Variants in ATM observed in about 807,000 individuals in gnomAD.
The protein encoded by ATM is ATM serine/threonine kinase, also known as serine-protein kinase ATM.
A neutral mutation model predicts 387.0 loss-of-function variants in ATM; 308 were observed. The ratio of observed to expected loss-of-function variants is 0.80; its 90% CI spans 0.73 to 0.87. ATM has a LOEUF of 0.87. Ranked by LOEUF, ATM falls within the 40% of genes least tolerant of loss-of-function variation. The probability of loss-of-function intolerance (pLI) is 0.00; values close to 1 mark genes in which losing one functional copy is unlikely to be tolerated. For synonymous variants in ATM, 1,156 were observed against 1,187.3 expected (o/e 0.97, Z 0.54); for missense variants, 3,312 against 3,560.9 (o/e 0.93, Z 1.78).
chr11:108,231,013 T>C (rs2078984703), intron 4 of ATM: 1 of 152,204 alleles, frequency 6.6e-6, no homozygotes, highest in Non-Finnish European at 1.5e-5. Context: ...GGACTCAATC[T>C]TTTAGGTATA....
chr11:108,283,177 A>T (rs974962798), intron 25 of ATM, among the ~76,000 whole-genome samples: 3 of 152,178 alleles, frequency 2.0e-5, no homozygotes, highest in Non-Finnish European at 4.4e-5. Flanking sequence ...ACACAAGGAG[A>T]TCTTTCAGGT....
rs1044092081 is a variant in ATM at position 108,245,009 on chromosome 11, C to A, written c.884C>A (p.Ala295Asp). The A allele has an allele frequency of 2.5e-6, 4 of 1,608,352 alleles. No homozygotes were observed. Among genetic ancestry groups the A allele is most frequent in the African/African-American group, 1.3e-5 (1 of 74,822 alleles). Reference sequence around the variant, plus strand: ...ATTTATATCCATCATCCGAAAGGAGCCAAAACCCAAGAAAAAGGTATAAAG... The same window carrying A: ...ATTTATATCCATCATCCGAAAGGAGACAAAACCCAAGAAAAAGGTATAAAG... Reference protein sequence around the residue: ...LQIYIHHPKGAKTQEKGAYES... With the variant: ...LQIYIHHPKGDKTQEKGAYES... Residue 295 changes from alanine (A) to aspartate (D), a missense_variant, in exon 7 of 63, where the codon GCC becomes GAC. Transcript: ENST00000675843.
chr11:108,338,503 A>T (rs373203413), intron 56 of ATM, among the ~76,000 whole-genome samples: 1 of 152,152 alleles, frequency 6.6e-6, no homozygotes, highest in East Asian at 1.9e-4. Flanking sequence ...AAAAATTAAA[A>T]ATTTAGCCAG....
intron 9 of ATM, 44 bp from the exon 10 acceptor site, chr11:108,250,657 T>A: frequency 1.3e-6 from 2 of 1,561,406 alleles, no homozygotes; most frequent in Non-Finnish European, 1.7e-6. Context: ...AGTTTGTTAA[T>A]GTGATGGAAT....
At chr11:108,268,921 G>A (rs1354306188) in intron 18 of ATM, among the ~76,000 whole-genome samples, 2 of 152,182 alleles carry the variant, frequency 1.3e-5, no homozygotes, top group Non-Finnish European at 2.9e-5. Context: ...CATTGTGTTT[G>A]AAGTTGGAAC....
chr11:108,261,793 C>A (rs955767988), intron 16 of ATM, among the ~76,000 whole-genome samples: 1 of 152,070 alleles, frequency 6.6e-6, no homozygotes, highest in African/African-American at 2.4e-5. Context: ...CTTAAAGGAG[C>A]CGATGGAGCT....
chr11:108,245,101 T>C, intron 7 of ATM, 75 bp downstream of exon 7: 1 of 1,176,908 alleles, frequency 8.5e-7, no homozygotes, highest in Non-Finnish European at 1.2e-6. Flanking sequence ...AAATTAGTGT[T>C]CTTTAGGAGG....
intron 37 of ATM, among the ~76,000 whole-genome samples, chr11:108,305,457 A>G (rs532558935): frequency 1.3e-5 from 2 of 152,150 alleles, no homozygotes; most frequent in African/African-American, 4.8e-5. Flanking sequence ...GCAGGCGCCT[A>G]TAATTGCAGC....
intron 51 of ATM, 96 bp downstream of exon 51, chr11:108,331,653 G>C: frequency 7.1e-7 from 1 of 1,416,076 alleles, no homozygotes; most frequent in East Asian, 2.6e-5. Flanking sequence ...CTAAGAAATG[G>C]AAATACAAAA....
Position 108,292,653 on chromosome 11 carries a change from T to C in ATM, c.4471T>C (p.Phe1491Leu), listed in dbSNP as rs587781944. The C allele has an allele frequency of 2.5e-6, 4 of 1,613,906 alleles. No homozygotes were observed. In the African/African-American group the frequency reaches 4.0e-5, roughly 16 times the overall value. Residue 1491 changes from phenylalanine (F) to leucine (L), a missense_variant, in exon 30 of 63, where the codon TTC becomes CTC. This residue lies in a region of ATM where 1,791 missense variants were observed against 1,804.5 expected (regional missense o/e 0.99). Transcript: ENST00000675843. ...TATCATGGATGTGTCATTACGTAGC[T>C]TCTCCCTTTGTTGTGACTTATTAAG... ...SCIMDVSLRS[F>L]SLCCDLLSQV...
intron 9 of ATM, among the ~76,000 whole-genome samples, chr11:108,250,037 G>A (rs570766041): frequency 6.6e-6 from 1 of 151,946 alleles, no homozygotes; most frequent in African/African-American, 2.4e-5. Context: ...TTAATGTAAA[G>A]GAAAAACAGT....
intron 13 of ATM, among the ~76,000 whole-genome samples, chr11:108,254,730 G>A (rs2080366911): frequency 6.6e-6 from 1 of 152,134 alleles, no homozygotes; most frequent in Non-Finnish European, 1.5e-5. Context: ...TTGGCTCACT[G>A]CAACCTCCGT....
intron 8 of ATM, among the ~76,000 whole-genome samples, chr11:108,247,752 C>A (rs600691): frequency 0.5 from 76,188 of 151,746 alleles, 20,439 homozygotes; most frequent in Middle Eastern, 0.75. Flanking sequence ...CCTGCCACCA[C>A]GCCCAGCTAA....
intron 22 of ATM, among the ~76,000 whole-genome samples, chr11:108,278,087 A>C (rs1565437073): frequency 6.6e-6 from 1 of 152,352 alleles, no homozygotes; most frequent in East Asian, 1.9e-4. Flanking sequence ...GCTGAAAATC[A>C]TTTGAGTAAC....
chr11:108,339,938 T>G (rs1288863639), intron 56 of ATM, among the ~76,000 whole-genome samples: 3 of 152,230 alleles, frequency 2.0e-5, no homozygotes, highest in Non-Finnish European at 4.4e-5. Flanking sequence ...ATCATTCATT[T>G]GTTTATTCAA....
chr11:108,365,305 C>CT lies in ATM; in HGVS notation c.8988-17dup, dbSNP rs2137900748. The CT allele has an allele frequency of 6.2e-7, 1 of 1,614,134 alleles. No homozygotes were observed. Among genetic ancestry groups the CT allele is most frequent in the Non-Finnish European group, 8.5e-7 (1 of 1,180,012 alleles). ...TTTAAACTGTTCACCTCACTGAAAC[C>CT]TTTGTGTTTTTGTCCTTAGTGATAT... On this transcript the variant is annotated intron_variant, in intron 62 of 62. Transcript: ENST00000675843.
chr11:108,250,273 G>T (rs1048655122), intron 9 of ATM, among the ~76,000 whole-genome samples: 1 of 151,776 alleles, frequency 6.6e-6, no homozygotes, highest in Non-Finnish European at 1.5e-5. Context: ...CTGCCTCAGC[G>T]TCCTGAGTAG....
intron 4 of ATM, chr11:108,231,740 T>C (rs966005220): frequency 7.2e-6 from 1 of 138,782 alleles, no homozygotes. Context: ...AGCCCCCAAA[T>C]TGGTAAATAT....
At position 108,331,875 on chromosome 11, in the gene ATM, A is replaced by G. The variant is rs1057523067; in HGVS notation, c.7630-4A>G. ...GCATAAATCTAATAGTTCTTTTCTTACAGCTAATCTCTAGAATTTCAATGG... is the reference window on the plus strand; with the variant it reads ...GCATAAATCTAATAGTTCTTTTCTTGCAGCTAATCTCTAGAATTTCAATGG... On this transcript the variant is annotated splice_region_variant and splice_polypyrimidine_tract_variant and intron_variant, in intron 51 of 62. Transcript: ENST00000675843. The G allele has an allele frequency of 6.2e-7, 1 of 1,612,990 alleles. No individual in the cohort carries two copies. Among genetic ancestry groups the G allele is most frequent in the Admixed American group, 1.7e-5 (1 of 59,996 alleles).
Sources: gnomAD v4.1 joint callset for allele counts (sites outside exome capture counted in the v4.1 genomes callset) on GRCh38, gnomAD v4.1.1 for gene constraint, gnomAD v4.1.1 regional missense constraint, MANE v1.5 for transcripts, NCBI Gene and HGNC (gene_info 2026-07-23, HGNC 2026-07-21) for gene names.